Variants in LDLRAD4 observed in about 807,000 individuals in gnomAD.
LDLRAD4 encodes low density lipoprotein receptor class A domain containing 4.
LDLRAD4 carries 5 observed loss-of-function variants against 17.0 expected under a neutral mutation model. The ratio of observed to expected loss-of-function variants is 0.29; its 90% CI spans 0.15 to 0.62. The LOEUF (loss-of-function observed/expected upper bound fraction) is 0.62, where lower values mean the gene tolerates loss of function less well. Ranked by LOEUF, LDLRAD4 falls within the 20% of genes least tolerant of loss-of-function variation. LDLRAD4 has a pLI of 0.84. For missense variants in LDLRAD4, 340 were observed against 424.7 expected, an observed-to-expected ratio of 0.80 and a Z score of 1.75; for synonymous variants, 168 against 171.8, an observed-to-expected ratio of 0.98 and a Z score of 0.17.
chr18:13,392,202 G>A (rs2086326753), intron 2 of LDLRAD4, among the ~76,000 whole-genome samples: 1 of 152,234 alleles, frequency 6.6e-6, no homozygotes, highest in Non-Finnish European at 1.5e-5. Flanking sequence ...TCAGAATTGG[G>A]TGTGTCCTCC....
chr18:13,485,210 C>T (rs1343240424), intron 3 of LDLRAD4, among the ~76,000 whole-genome samples: 2 of 152,224 alleles, frequency 1.3e-5, no homozygotes, highest in Non-Finnish European at 2.9e-5. Flanking sequence ...GTGCTTTGCT[C>T]TCCAGGTGTC....
At chr18:13,597,040 T>G (rs943905810) in intron 3 of LDLRAD4, among the ~76,000 whole-genome samples, 1 of 152,214 alleles carries the variant, frequency 6.6e-6, no homozygotes, top group African/African-American at 2.4e-5. Flanking sequence ...AGATTCAAAT[T>G]ACTGTCTGGG....
At chr18:13,370,854 G>A (rs2084447939) in intron 1 of LDLRAD4, among the ~76,000 whole-genome samples, 2 of 151,800 alleles carry the variant, frequency 1.3e-5, no homozygotes, top group South Asian at 4.2e-4. Context: ...GGGACTACAG[G>A]CGCGCACCAC....
chr18:13,581,274 T>C (rs1016004064), intron 3 of LDLRAD4, among the ~76,000 whole-genome samples: 1 of 152,180 alleles, frequency 6.6e-6, no homozygotes, highest in Non-Finnish European at 1.5e-5. Context: ...TTCGGGACTT[T>C]AGAGCATCTC....
At chr18:13,642,195 CG>C (rs551462209) in intron 4 of LDLRAD4, 1 of 985,656 alleles carries the variant, frequency 1.0e-6, no homozygotes, top group East Asian at 1.1e-4. Flanking sequence ...TGGACAAACG[CG>C]GGGCTCGGTG....
chr18:13,237,604 C>T (rs2042399879), intron 1 of LDLRAD4, among the ~76,000 whole-genome samples: 1 of 152,168 alleles, frequency 6.6e-6, no homozygotes, highest in African/African-American at 2.4e-5. Flanking sequence ...ATTCTTGTTC[C>T]TAGCTCGGTC....
chr18:13,332,903 A>G (rs552756316), intron 1 of LDLRAD4, among the ~76,000 whole-genome samples: 1 of 152,246 alleles, frequency 6.6e-6, no homozygotes, highest in East Asian at 1.9e-4. Flanking sequence ...CATGGTTGTA[A>G]GTTTTTAACT....
At chr18:13,465,952 T>C (rs1285532330) in intron 3 of LDLRAD4, among the ~76,000 whole-genome samples, 1 of 152,228 alleles carries the variant, frequency 6.6e-6, no homozygotes, top group Non-Finnish European at 1.5e-5. Flanking sequence ...CTGTCTCACT[T>C]ACTATCTGTC....
chr18:13,230,918 C>G (rs1040237195), intron 1 of LDLRAD4, among the ~76,000 whole-genome samples: 2 of 152,158 alleles, frequency 1.3e-5, no homozygotes, highest in Admixed American at 6.5e-5. Context: ...GTTTGGTGAT[C>G]AGAAATGTTG....
chr18:13,595,336 G>A (rs2095082373), intron 3 of LDLRAD4, among the ~76,000 whole-genome samples: 1 of 152,046 alleles, frequency 6.6e-6, no homozygotes, highest in African/African-American at 2.4e-5. Flanking sequence ...CTTTCTTAAT[G>A]TAGGCTTTTA....
chr18:13,299,512 AT>A (rs2046460859), intron 1 of LDLRAD4, among the ~76,000 whole-genome samples: 1 of 152,126 alleles, frequency 6.6e-6, no homozygotes, highest in Non-Finnish European at 1.5e-5. Flanking sequence ...ACAGCCTTTT[AT>A]TTTTAGTGGG....
At position 13,374,785 on chromosome 18, in the gene LDLRAD4, T is replaced by C. The variant is rs148364700; in HGVS notation, c.-382-12556T>C. The stretch of plus-strand genomic sequence containing the variant: ...AAGGCCAGCACCTGCTAGGTGTGTG[T>C]CTGGAAGTCTGCAGCAGCTTCAATT... On this transcript the variant is annotated intron_variant, in intron 1 of 5. Coordinates refer to ENST00000359446, the Ensembl canonical transcript of LDLRAD4. 6.0e-4 allele frequency among the ~76,000 whole-genome samples: 92 copies of C among 152,300 alleles called. No homozygotes were observed. In the East Asian group the frequency reaches 0.017, roughly 28 times the overall value.
At chr18:13,323,223 T>C (rs2081349813) in intron 1 of LDLRAD4, among the ~76,000 whole-genome samples, 1 of 152,400 alleles carries the variant, frequency 6.6e-6, no homozygotes, top group African/African-American at 2.4e-5. Flanking sequence ...ACATTTCTTT[T>C]TGTAGACACA....
chr18:13,607,780 C>A (rs2095238943), intron 3 of LDLRAD4, among the ~76,000 whole-genome samples: 1 of 152,188 alleles, frequency 6.6e-6, no homozygotes, highest in Non-Finnish European at 1.5e-5. Flanking sequence ...TGAACTCATT[C>A]TTTTTTATGG....
upstream of LDLRAD4, among the ~76,000 whole-genome samples, chr18:13,276,449 A>G (rs2044872524): frequency 6.6e-6 from 1 of 152,102 alleles, no homozygotes; most frequent in Non-Finnish European, 1.5e-5. Context: ...TTCTCTGGTC[A>G]GGCTGTAGTC....
intron 3 of LDLRAD4, among the ~76,000 whole-genome samples, chr18:13,600,703 G>A (rs2095150902): frequency 2.0e-5 from 3 of 152,200 alleles, no homozygotes; most frequent in African/African-American, 7.2e-5. Context: ...AATGGTGATA[G>A]ACTGGTTTGG....
intron 1 of LDLRAD4, among the ~76,000 whole-genome samples, chr18:13,355,691 G>T (rs1487272099): frequency 6.6e-6 from 1 of 152,116 alleles, no homozygotes; most frequent in Admixed American, 6.5e-5. Context: ...AAGTGCAGTG[G>T]TGCAATTACA....
chr18:13,563,626 CACG>C (rs976707138), intron 3 of LDLRAD4, among the ~76,000 whole-genome samples: 3 of 152,190 alleles, frequency 2.0e-5, no homozygotes, highest in Non-Finnish European at 4.4e-5. Flanking sequence ...CCTCAATGGT[CACG>C]ACATTAATGC....
intron 2 of LDLRAD4, among the ~76,000 whole-genome samples, chr18:13,405,756 T>G (rs1175145916): frequency 6.6e-6 from 1 of 152,104 alleles, no homozygotes; most frequent in East Asian, 1.9e-4. Flanking sequence ...GCGAGCGTTT[T>G]CACCATTGGA....
Sources: allele counts gnomAD v4.1 joint callset (sites outside exome capture counted in the v4.1 genomes callset), GRCh38; gene constraint gnomAD v4.1.1; transcripts MANE v1.5; gene names NCBI Gene and HGNC (gene_info 2026-07-23, HGNC 2026-07-21).